PRKN: variants seen among roughly 807,000 people sequenced by gnomAD.
PRKN encodes the protein parkin RBR E3 ubiquitin protein ligase, also known as E3 ubiquitin-protein ligase parkin.
In PRKN, 56 loss-of-function variants were observed where a neutral mutation model predicts 59.5. The ratio of observed to expected loss-of-function variants is 0.94; its 90% CI spans 0.76 to 1.18. The LOEUF (loss-of-function observed/expected upper bound fraction) is 1.18. Ranked by LOEUF, PRKN falls within the 50% of genes most tolerant of loss-of-function variation. The pLI, the probability that PRKN is intolerant of heterozygous loss-of-function variation, is 0.00. For synonymous variants in PRKN, 250 were observed against 222.1 expected (o/e 1.13, Z -1.12); for missense variants, 657 against 596.4 (o/e 1.10, Z -1.06).
chr6:162,706,703 A>G (rs1233110737), intron 1 of PRKN, among the ~76,000 whole-genome samples: 1 of 152,190 alleles, frequency 6.6e-6, no homozygotes, highest in African/African-American at 2.4e-5. Flanking sequence ...TGGTATAAAT[A>G]TCAGTACTTA....
intron 1 of PRKN, among the ~76,000 whole-genome samples, chr6:162,579,711 C>A (rs555344781): frequency 7.9e-5 from 12 of 152,040 alleles, no homozygotes; most frequent in African/African-American, 2.9e-4. Flanking sequence ...ACAAATTTCA[C>A]ACACACAAAA....
At chr6:162,048,282 T>C (rs1429209073) in intron 5 of PRKN, among the ~76,000 whole-genome samples, 1 of 152,180 alleles carries the variant, frequency 6.6e-6, no homozygotes, top group Non-Finnish European at 1.5e-5. Flanking sequence ...TTTATTACTT[T>C]AAAGAGATCA....
In PRKN at chr6:161,547,568, G is replaced by A. The variant is rs1779841147; in HGVS notation, c.1083+1286C>T. 6.6e-6 allele frequency among the ~76,000 whole-genome samples: 1 copy of A among 152,208 alleles called. No individual in the cohort carries two copies. Among genetic ancestry groups the A allele is most frequent in the Non-Finnish European group, 1.5e-5 (1 of 68,034 alleles). ...TCCAGCTTTAGAGGATGGAACCACAGTAGGCAATTAGCAGGCAGAAGCACA... is the reference window on the plus strand; with the variant it reads ...TCCAGCTTTAGAGGATGGAACCACAATAGGCAATTAGCAGGCAGAAGCACA... On this transcript the variant is annotated intron_variant, in intron 9 of 11. Transcript: ENST00000366898. This position sits in a 1 kb window ranked among gnomAD's most constrained non-coding sequence, Gnocchi z 4.0.
intron 2 of PRKN, among the ~76,000 whole-genome samples, chr6:162,280,325 T>C (rs988293642): frequency 3.3e-5 from 5 of 152,194 alleles, no homozygotes; most frequent in Middle Eastern, 3.4e-3. Flanking sequence ...ACAAAGTTCT[T>C]TGAAACCAAT....
intron 7 of PRKN, among the ~76,000 whole-genome samples, chr6:161,590,504 G>A (rs975189868): frequency 2.6e-5 from 4 of 152,024 alleles, no homozygotes; most frequent in Admixed American, 6.6e-5. Flanking sequence ...AGGCTGAGGC[G>A]GGCCGATCAG....
At chr6:162,392,892 T>C (rs755585244) in intron 2 of PRKN, among the ~76,000 whole-genome samples, 6 of 152,036 alleles carry the variant, frequency 3.9e-5, no homozygotes, top group African/African-American at 7.3e-5. Flanking sequence ...ACATGGATGT[T>C]TGGCTTCAAA....
intron 2 of PRKN, among the ~76,000 whole-genome samples, chr6:162,315,034 C>T (rs374043854): frequency 1.3e-5 from 2 of 152,144 alleles, no homozygotes; most frequent in African/African-American, 2.4e-5. Flanking sequence ...GGTTGATCAA[C>T]AGAATCCAAT....
chr6:162,320,384 A>C (rs1430061291), intron 2 of PRKN, among the ~76,000 whole-genome samples: 3 of 108,724 alleles, frequency 2.8e-5, no homozygotes, highest in Admixed American at 1.8e-4. Flanking sequence ...AAAAAAAAAA[A>C]CCAAGCATTT....
chr6:162,296,831 C>T (rs549023918), intron 2 of PRKN, among the ~76,000 whole-genome samples: 31 of 152,226 alleles, frequency 2.0e-4, no homozygotes, highest in African/African-American at 6.5e-4. Flanking sequence ...TCTTCAGCTA[C>T]CCAAGGATTT....
intron 1 of PRKN, among the ~76,000 whole-genome samples, chr6:162,459,003 T>C (rs1791037083): frequency 6.6e-6 from 1 of 152,076 alleles, no homozygotes; most frequent in Non-Finnish European, 1.5e-5. Flanking sequence ...GTTTTTTTAG[T>C]ACAGACGGGA....
intron 2 of PRKN, among the ~76,000 whole-genome samples, chr6:162,368,359 CTT>C (rs1165918170): frequency 1.3e-5 from 2 of 152,162 alleles, no homozygotes; most frequent in East Asian, 1.9e-4. Context: ...AAGCCAGACT[CTT>C]TGTATTACTA....
At chr6:162,573,488 T>C (rs1413317419) in intron 1 of PRKN, among the ~76,000 whole-genome samples, 2 of 152,174 alleles carry the variant, frequency 1.3e-5, no homozygotes, top group Non-Finnish European at 2.9e-5. Context: ...ACGTTCCAGC[T>C]AGACCCAGCT....
intron 9 of PRKN, among the ~76,000 whole-genome samples, chr6:161,403,621 G>A (rs1172116161): frequency 6.6e-6 from 1 of 152,170 alleles, no homozygotes; most frequent in Non-Finnish European, 1.5e-5. Flanking sequence ...TCTCTGGAGA[G>A]CCACGCTTTT....
chr6:161,550,189 G>T lies in PRKN; in HGVS notation c.934-1186C>A, dbSNP rs1322214150. ...TTGGCTGTTCAGGGTACAACAAGGG[G>T]GGCAGTGGGGCGGAGGCAGAGAGAA... On this transcript the variant is annotated intron_variant, in intron 8 of 11. Coordinates refer to ENST00000366898, the MANE Select transcript of PRKN (RefSeq NM_004562.3). The surrounding 1 kb of genome is among the most constrained non-coding windows in gnomAD (Gnocchi z 4.0). 3.3e-5 allele frequency among the ~76,000 whole-genome samples: 5 copies of T among 152,150 alleles called. No homozygotes were observed. The highest frequency in any genetic ancestry group is 4.4e-5 in the Non-Finnish European group (3 of 68,038).
At chr6:162,142,542 C>T (rs1052231596) in intron 4 of PRKN, among the ~76,000 whole-genome samples, 3 of 152,010 alleles carry the variant, frequency 2.0e-5, no homozygotes, top group African/African-American at 7.3e-5. Flanking sequence ...GTCTCCTAGC[C>T]GAATGACCAT....
chr6:161,670,805 ACT>A (rs1195532142), intron 7 of PRKN, among the ~76,000 whole-genome samples: 1 of 137,326 alleles, frequency 7.3e-6, no homozygotes, highest in Non-Finnish European at 1.6e-5. Flanking sequence ...ACAGAGCGAG[ACT>A]CTGTCTCAAA....
chr6:162,097,643 C>T (rs112993695), intron 4 of PRKN, among the ~76,000 whole-genome samples: 2 of 152,262 alleles, frequency 1.3e-5, no homozygotes, highest in African/African-American at 2.4e-5. Context: ...GTTGTTTCCA[C>T]GTGTGATTGA....
intron 1 of PRKN, among the ~76,000 whole-genome samples, chr6:162,602,064 G>T (rs977070849): frequency 6.6e-6 from 1 of 152,204 alleles, no homozygotes. Context: ...AATACAGCAG[G>T]CAGTCACATA....
chr6:161,957,428 G>GTTTT (rs1173230705), intron 6 of PRKN, among the ~76,000 whole-genome samples: 28 of 99,636 alleles, frequency 2.8e-4, no homozygotes, highest in South Asian at 7.3e-4. Context: ...TTGTTTGTTT[G>GTTTT]TTTGTTTGTT....
Sources: gnomAD v4.1 joint callset for allele counts (sites outside exome capture counted in the v4.1 genomes callset) on GRCh38, gnomAD v4.1.1 for gene constraint, Gnocchi (gnomAD v3.1) non-coding constraint, MANE v1.5 for transcripts, NCBI Gene and HGNC (gene_info 2026-07-23, HGNC 2026-07-21) for gene names.